Variants in ATRNL1 observed in about 807,000 individuals in gnomAD.
ATRNL1 encodes attractin like 1, also known as attractin-like protein 1.
In ATRNL1, 95 loss-of-function variants were observed where a neutral mutation model predicts 182.7. The ratio of observed to expected loss-of-function variants is 0.52; its 90% CI spans 0.44 to 0.62. The LOEUF (loss-of-function observed/expected upper bound fraction) is 0.62, where lower values mean the gene tolerates loss of function less well. ATRNL1 is among the 20% of genes least tolerant of loss of function. The pLI is 0.00. For missense variants in ATRNL1, 1,471 were observed against 1,679.5 expected (o/e 0.88, Z 2.17); for synonymous variants, 576 against 568.3 (o/e 1.01, Z -0.19).
chr10:115,389,447 A>G (rs1843850605), intron 19 of ATRNL1, among the ~76,000 whole-genome samples: 2 of 145,452 alleles, frequency 1.4e-5, no homozygotes, highest in South Asian at 4.4e-4. Flanking sequence ...TGGGAGGTGG[A>G]GGTTGCAGTG....
chr10:115,331,910 A>G (rs1359614973), intron 18 of ATRNL1, among the ~76,000 whole-genome samples: 1 of 152,188 alleles, frequency 6.6e-6, no homozygotes, highest in Non-Finnish European at 1.5e-5. Flanking sequence ...GAAGGATTGT[A>G]GACCATCCAT....
In ATRNL1 at chr10:115,897,402, G is replaced by A. The variant is rs1245383403; in HGVS notation, c.4019-47256G>A. On this transcript the variant is annotated intron_variant, in intron 28 of 28. Transcript: ENST00000355044. ...CTAGCAACCCCTCTTAGGAATTAAAGATATTTGAAGAAGTATTCAAGGGTA... is the reference window on the plus strand; with the variant it reads ...CTAGCAACCCCTCTTAGGAATTAAAAATATTTGAAGAAGTATTCAAGGGTA... Among the ~76,000 whole-genome samples, 109 of 152,286 alleles carry A rather than the reference G, an allele frequency of 7.2e-4. 1 individual carries two copies. Among genetic ancestry groups the A allele is most frequent in the Non-Finnish European group, 1.3e-4 (9 of 68,020 alleles).
rs530226563 is a variant in ATRNL1 at position 115,773,224 on chromosome 10, CA to C, written c.3903+45875del. The stretch of plus-strand genomic sequence containing the variant: ...GGAAAAGTGGCAAAAAATCCATTCC[CA>C]AAAAATTTCTCCTAAATGTCTACCA... On this transcript the variant is annotated intron_variant, in intron 27 of 28. Coordinates refer to ENST00000355044, the MANE Select transcript of ATRNL1 (RefSeq NM_207303.4). 7.2e-3 allele frequency among the ~76,000 whole-genome samples: 1,096 copies of C among 152,146 alleles called. 14 individuals carry two copies. The highest frequency in any genetic ancestry group is 0.025 in the African/African-American group (1,045 of 41,524).
intron 28 of ATRNL1, among the ~76,000 whole-genome samples, chr10:115,910,332 A>C (rs571562626): frequency 9.2e-5 from 14 of 152,266 alleles, no homozygotes; most frequent in Middle Eastern, 3.4e-3. Flanking sequence ...ACTCAATTTG[A>C]CTATTCTGAG....
intron 17 of ATRNL1, among the ~76,000 whole-genome samples, chr10:115,314,154 TTTTA>T (rs1854177267): frequency 6.6e-6 from 1 of 152,180 alleles, no homozygotes. Flanking sequence ...CATTAGCCAC[TTTTA>T]TTTAATGACT....
chr10:115,897,037 G>C (rs1404149572), intron 28 of ATRNL1, among the ~76,000 whole-genome samples: 1 of 152,086 alleles, frequency 6.6e-6, no homozygotes, highest in African/African-American at 2.4e-5. Context: ...CTTAGAATAA[G>C]TATCCCTAAC....
Position 115,944,800 on chromosome 10 carries a change from A to G in ATRNL1, c.*21A>G, listed in dbSNP as rs1187448871. Reference sequence around the variant, plus strand: ...TCTGAGAAATGGAAACCGCTCCTGTATATTCTGTACTGTTTTACTTCGGGC... The same window carrying G: ...TCTGAGAAATGGAAACCGCTCCTGTGTATTCTGTACTGTTTTACTTCGGGC... On this transcript the variant is annotated 3_prime_UTR_variant, in exon 29 of 29. Coordinates refer to ENST00000355044, the MANE Select transcript of ATRNL1 (RefSeq NM_207303.4). The G allele has an allele frequency of 6.2e-7, 1 of 1,610,790 alleles. No individual in the cohort carries two copies. The highest frequency in any genetic ancestry group is 8.5e-7 in the Non-Finnish European group (1 of 1,178,474).
chr10:115,819,620 A>G (rs1555089652), intron 27 of ATRNL1, among the ~76,000 whole-genome samples: 8 of 152,048 alleles, frequency 5.3e-5, no homozygotes. Context: ...TTATACTTTT[A>G]ACATACTGTT....
At chr10:115,683,125 AAT>A (rs1946104181) in intron 26 of ATRNL1, among the ~76,000 whole-genome samples, 3 of 152,104 alleles carry the variant, frequency 2.0e-5, no homozygotes, top group African/African-American at 4.8e-5. Flanking sequence ...TTTTTAATTT[AAT>A]ATATGTTTAT....
intron 24 of ATRNL1, among the ~76,000 whole-genome samples, chr10:115,487,696 CT>C (rs1463665597): frequency 6.6e-6 from 1 of 152,124 alleles, no homozygotes; most frequent in Non-Finnish European, 1.5e-5. Flanking sequence ...TTGACTTCCT[CT>C]TTTCCTATTT....
rs572511872 is a variant in ATRNL1, at chr10:115,266,882, G to C, written c.1858G>C (p.Asp620His). The change falls in exon 12 of 29, where the codon GAT (aspartate) becomes CAT (histidine). Residue 620 changes from aspartate to histidine, a missense_variant. Physicochemically the swap from Asp to His is moderately conservative, Grantham distance 81. Coordinates refer to ENST00000355044, the MANE Select transcript of ATRNL1 (RefSeq NM_207303.4). ...YKPPNCKAFRDEELCKNAGPG... is the reference protein window; with the variant it reads ...YKPPNCKAFRHEELCKNAGPG... Reference sequence around the variant, plus strand: ...GCCTCCAAATTGCAAGGCTTTCAGAGATGAAGAACTTTGTAAAAATGCTGG... The same window carrying C: ...GCCTCCAAATTGCAAGGCTTTCAGACATGAAGAACTTTGTAAAAATGCTGG... 1 of 1,612,256 alleles carries C rather than the reference G, an allele frequency of 6.2e-7. No individual in the cohort carries two copies.
intron 27 of ATRNL1, among the ~76,000 whole-genome samples, chr10:115,807,966 C>T (rs1949960491): frequency 1.3e-5 from 2 of 152,098 alleles, no homozygotes; most frequent in African/African-American, 4.8e-5. Flanking sequence ...TACAGCCTCC[C>T]TAGTTTTCAG....
chr10:115,598,915 T>C (rs1555015079), intron 26 of ATRNL1, among the ~76,000 whole-genome samples: 1 of 111,634 alleles, frequency 9.0e-6, no homozygotes, highest in Non-Finnish European at 2.0e-5. Context: ...TGCACGTAGT[T>C]GTGAATATTT....
intron 24 of ATRNL1, among the ~76,000 whole-genome samples, chr10:115,490,781 G>T (rs1211127819): frequency 6.6e-5 from 10 of 152,118 alleles, no homozygotes; most frequent in Non-Finnish European, 1.3e-4. Context: ...CTGGTGAGGA[G>T]TTGTGATCCT....
intron 26 of ATRNL1, among the ~76,000 whole-genome samples, chr10:115,607,504 A>C (rs782294827): frequency 3.3e-5 from 5 of 151,820 alleles, no homozygotes; most frequent in Non-Finnish European, 7.4e-5. Context: ...CACAAGCAAT[A>C]GTTATTTTTG....
chr10:115,940,422 G>T (rs1264018346), intron 28 of ATRNL1, among the ~76,000 whole-genome samples: 2 of 152,154 alleles, frequency 1.3e-5, no homozygotes, highest in Admixed American at 6.5e-5. Flanking sequence ...TCCTGGGCTG[G>T]TTATTGCAGA....
intron 28 of ATRNL1, among the ~76,000 whole-genome samples, chr10:115,920,702 C>G (rs574829760): frequency 1.3e-5 from 2 of 152,338 alleles, no homozygotes; most frequent in African/African-American, 4.8e-5. Flanking sequence ...TTCATTTTTA[C>G]TGTGTCTTTT....
intron 28 of ATRNL1, among the ~76,000 whole-genome samples, chr10:115,886,194 A>C (rs188565203): frequency 3.3e-5 from 5 of 152,370 alleles, no homozygotes; most frequent in African/African-American, 9.6e-5. Context: ...TTGAGCCATC[A>C]CATGGAGGTA....
At chr10:115,472,352 T>TA (rs1248606260) in intron 24 of ATRNL1, among the ~76,000 whole-genome samples, 1 of 151,190 alleles carries the variant, frequency 6.6e-6, no homozygotes, top group African/African-American at 2.4e-5. Flanking sequence ...CTTTTGAATT[T>TA]AAAAATTTTT....
Sources: allele counts gnomAD v4.1 joint callset (sites outside exome capture counted in the v4.1 genomes callset), GRCh38; gene constraint gnomAD v4.1.1; transcripts MANE v1.5; gene names NCBI Gene and HGNC (gene_info 2026-07-23, HGNC 2026-07-21).